Variants in NAA25 observed in about 807,000 individuals in gnomAD.
NAA25 encodes N-terminal acetyltransferase B complex subunit NAA25.
NAA25 carries 30 observed loss-of-function variants against 132.5 expected under a neutral mutation model. The ratio of observed to expected loss-of-function variants is 0.23; its 90% CI spans 0.17 to 0.31. The LOEUF (loss-of-function observed/expected upper bound fraction) is 0.31, where lower values mean the gene tolerates loss of function less well. Ranked by LOEUF, NAA25 falls within the 10% of genes least tolerant of loss-of-function variation. NAA25 has a pLI of 1.00. For missense variants in NAA25, 771 were observed against 1,150.4 expected, an observed-to-expected ratio of 0.67 and a Z score of 4.77; for synonymous variants, 359 against 401.9, an observed-to-expected ratio of 0.89 and a Z score of 1.28.
chr12:112,097,176 C>T (rs1373300376), intron 1 of NAA25: 1 of 152,010 alleles, frequency 6.6e-6, no homozygotes, highest in Non-Finnish European at 1.5e-5. Flanking sequence ...AAACTGAAAG[C>T]CAGAGTCAGT....
chr12:112,029,701 C>T (rs377406821), intron 23 of NAA25, 48 bp from the exon 24 acceptor site: 7 of 1,586,742 alleles, frequency 4.4e-6, no homozygotes, highest in Non-Finnish European at 5.1e-6. Flanking sequence ...AAAACCATCC[C>T]CCCAGATTCT....
chr12:112,043,731 G>C lies in NAA25; in HGVS notation c.2144C>G (p.Thr715Ser), dbSNP rs765616451. 58 of 1,614,200 alleles carry C rather than the reference G, an allele frequency of 3.6e-5. No homozygotes were observed. The South Asian group carries it at 6.1e-4, about 17-fold the overall frequency. Residue 715 changes from threonine (T) to serine (S), a missense_variant, in exon 18 of 24, where the codon ACT (threonine) becomes AGT (serine). Physicochemically the swap from Thr to Ser is moderately conservative, Grantham distance 58 (BLOSUM62 1). This residue lies in a region of NAA25 where 324 missense variants were observed against 400.0 expected (regional missense o/e 0.81). Coordinates refer to ENST00000261745, the MANE Select transcript of NAA25 (RefSeq NM_024953.4). The stretch of plus-strand genomic sequence containing the variant: ...CCGGGAGGATACCCCATTCTCGGCA[G>C]TCTTCTCCGAGTTCTTTGGCTCCAC... ...HPVEPKNSEK[T>S]AENGVSSRID...
At chr12:112,086,738 G>A (rs561512554) in intron 4 of NAA25, among the ~76,000 whole-genome samples, 50 of 152,226 alleles carry the variant, frequency 3.3e-4, no homozygotes, top group African/African-American at 1.1e-3. Context: ...TGGGCTGGGT[G>A]TGGTGGCTCA....
At chr12:112,100,614 CTTTTT>C (rs71083200) in intron 1 of NAA25, among the ~76,000 whole-genome samples, 2 of 100,628 alleles carry the variant, frequency 2.0e-5, no homozygotes, top group African/African-American at 4.0e-5. Flanking sequence ...ATTCCATTGT[CTTTTT>C]TTTTTTTTTT....
intron 17 of NAA25, among the ~76,000 whole-genome samples, 200 bp from the exon 18 acceptor site, chr12:112,044,068 C>T (rs1276778414): frequency 2.6e-5 from 4 of 151,962 alleles, no homozygotes; most frequent in Non-Finnish European, 5.9e-5. Flanking sequence ...GCTGGGCCTA[C>T]AGGCGCCTGC....
chr12:112,081,304 G>T (rs1232450306), intron 4 of NAA25, among the ~76,000 whole-genome samples, 170 bp from the exon 5 acceptor site: 1 of 152,144 alleles, frequency 6.6e-6, no homozygotes, highest in Non-Finnish European at 1.5e-5. Context: ...AATCACAAAG[G>T]TGAATTTTCA....
At chr12:112,067,745 T>C (rs2078740756) in intron 11 of NAA25, among the ~76,000 whole-genome samples, 1 of 152,162 alleles carries the variant, frequency 6.6e-6, no homozygotes, top group South Asian at 2.1e-4. Flanking sequence ...ACTTCTGAGA[T>C]TGGCTTATTT....
intron 4 of NAA25, among the ~76,000 whole-genome samples, chr12:112,084,408 C>T (rs532064514): frequency 6.6e-6 from 1 of 152,322 alleles, no homozygotes; most frequent in Admixed American, 6.5e-5. Context: ...ATACCTATTA[C>T]CTCAGACTGA....
At chr12:112,061,435 T>A (rs772822643) in intron 11 of NAA25, 47 bp from the exon 12 acceptor site, 7 of 1,315,516 alleles carry the variant, frequency 5.3e-6, no homozygotes, top group Non-Finnish European at 7.7e-6. Flanking sequence ...ACACAACTAG[T>A]CTTCAGTAGG....
In NAA25 at chr12:112,039,185, T is replaced by C. The variant is rs775691312; in HGVS notation, c.2649+44A>G. ...AACAGTGAAAAGAAAAAGTAGCATGTGGTCAGATTGTTCCTTGTATATCAC... is the reference window on the plus strand; with the variant it reads ...AACAGTGAAAAGAAAAAGTAGCATGCGGTCAGATTGTTCCTTGTATATCAC... On this transcript the variant is annotated intron_variant, in intron 22 of 23. Coordinates refer to ENST00000261745, the MANE Select transcript of NAA25 (RefSeq NM_024953.4). 5.8e-6 allele frequency: 7 copies of C among 1,202,318 alleles called. No individual in the cohort carries two copies. In the South Asian group the frequency reaches 1.0e-4, roughly 17 times the overall value. The allele number at this position is 1,202,318 out of a possible 1,614,324, so 74.5% of individuals were successfully genotyped here. A position where few individuals can be genotyped will look rare whatever the true frequency, so the allele number is the denominator to read the frequency against.
chr12:112,050,109 G>A (rs2078441625), intron 15 of NAA25, among the ~76,000 whole-genome samples: 1 of 151,176 alleles, frequency 6.6e-6, no homozygotes, highest in East Asian at 1.9e-4. Context: ...AACAAAGAGA[G>A]TATAGTCTTT....
chr12:112,030,597 AG>A (rs2078136757), intron 23 of NAA25, among the ~76,000 whole-genome samples: 1 of 152,196 alleles, frequency 6.6e-6, no homozygotes, highest in Non-Finnish European at 1.5e-5. Context: ...AAAAAACAAA[AG>A]GGAAGGGGTG....
At chr12:112,031,719 C>T (rs1463324882) in intron 23 of NAA25, among the ~76,000 whole-genome samples, 2 of 151,898 alleles carry the variant, frequency 1.3e-5, no homozygotes, top group Non-Finnish European at 2.9e-5. Context: ...AACAGTACTT[C>T]CCGTATACCA....
chr12:112,078,574 C>T (rs991546167), intron 6 of NAA25, 60 bp downstream of exon 6: 3 of 1,380,050 alleles, frequency 2.2e-6, no homozygotes, highest in African/African-American at 2.9e-5. Context: ...AGTATTATAA[C>T]ATAATATTGT....
rs759936950 is a variant in NAA25, at chr12:112,033,363, C to A, written c.2666G>T (p.Ser889Ile). The A allele has an allele frequency of 6.2e-7, 1 of 1,605,680 alleles. No homozygotes were observed. The highest frequency in any genetic ancestry group is 8.5e-7 in the Non-Finnish European group (1 of 1,177,260). ...AAGCCCAGTAACATAGTCTTGGAAA[C>A]TGGTAAAGACAGGTGGCTGGGAAAA... ...TSIIMPPVFT[S>I]FQDYVTGLQT... Residue 889 changes from serine to isoleucine, a missense_variant, in exon 23 of 24, where the codon AGT becomes ATT. Ser to Ile is a moderately radical substitution (Grantham distance 142, BLOSUM62 -2). Transcript: ENST00000261745.
chr12:112,061,103 C>T (rs1390415198), intron 12 of NAA25, 78 bp downstream of exon 12: 1 of 1,141,356 alleles, frequency 8.8e-7, no homozygotes, highest in Non-Finnish European at 1.3e-6. Context: ...AAACAGGGTG[C>T]TACAGGTGCT....
chr12:112,071,230 A>G (rs1385724743), intron 10 of NAA25, among the ~76,000 whole-genome samples: 1 of 152,138 alleles, frequency 6.6e-6, no homozygotes, highest in African/African-American at 2.4e-5. Context: ...CATGTTGGCC[A>G]GGCTGGTCTT....
intron 4 of NAA25, among the ~76,000 whole-genome samples, chr12:112,084,790 T>C (rs985615823): frequency 2.1e-5 from 3 of 145,838 alleles, no homozygotes; most frequent in Non-Finnish European, 1.5e-5. Flanking sequence ...AGACTCCATA[T>C]CAAATAAATA....
At chr12:112,045,593 G>A (rs894154434) in intron 17 of NAA25, among the ~76,000 whole-genome samples, 2 of 151,720 alleles carry the variant, frequency 1.3e-5, no homozygotes, top group Non-Finnish European at 2.9e-5. Context: ...TCATGAGTTT[G>A]AGATCAGCCT....
Sources: allele counts gnomAD v4.1 joint callset (sites outside exome capture counted in the v4.1 genomes callset), GRCh38; gene constraint gnomAD v4.1.1; regional missense constraint gnomAD v4.1.1; transcripts MANE v1.5; gene names NCBI Gene and HGNC (gene_info 2026-07-23, HGNC 2026-07-21).